Variants in SSBP1 observed in about 807,000 individuals in gnomAD.
SSBP1 encodes the protein single-stranded DNA-binding protein, mitochondrial.
In SSBP1, 20 loss-of-function variants were observed where a neutral mutation model predicts 27.0. The ratio of observed to expected loss-of-function variants is 0.74; its 90% CI spans 0.52 to 1.08. The LOEUF is 1.08. Among genes scored for constraint, SSBP1 ranks in the 50% least tolerant of loss-of-function variants. SSBP1 has a pLI of 0.00. For missense variants in SSBP1, 137 were observed against 182.4 expected (o/e 0.75, Z 1.44); for synonymous variants, 59 against 59.3 (o/e 1.00, Z 0.02).
intron 6 of SSBP1, among the ~76,000 whole-genome samples, chr7:141,746,931 C>G (rs1175870915): frequency 6.6e-6 from 1 of 152,014 alleles, no homozygotes; most frequent in Admixed American, 6.5e-5. Flanking sequence ...TGGAAATTTT[C>G]CATTATTCTT....
chr7:141,745,330 C>T (rs2117185152), intron 5 of SSBP1, among the ~76,000 whole-genome samples, 166 bp from the exon 6 acceptor site: 1 of 152,302 alleles, frequency 6.6e-6, no homozygotes, highest in Non-Finnish European at 1.5e-5. Context: ...TGTTTGGACA[C>T]TCTGTTTCAG....
At chr7:141,738,870 A>G (rs941929437) in intron 1 of SSBP1, 5 of 341,780 alleles carry the variant, frequency 1.5e-5, no homozygotes, top group African/African-American at 8.4e-5. Context: ...TGGAAGTGGG[A>G]TTAACTCAGA....
chr7:141,744,819 T>G (rs946919714), intron 5 of SSBP1, among the ~76,000 whole-genome samples: 4 of 152,094 alleles, frequency 2.6e-5, no homozygotes, highest in African/African-American at 9.7e-5. Flanking sequence ...GTGTGTGGGG[T>G]GGGGAGCACC....
At position 141,743,924 on chromosome 7, in the gene SSBP1, A is replaced by G. The variant is rs1326380559; in HGVS notation, c.249A>G (p.Thr83=). Residue 83 remains threonine, a synonymous_variant, in exon 5 of 7, where the codon ACA becomes ACG. Transcript: ENST00000265304. ...YQLGDVSQKT[T]WHRISVFRPG... ...TAGGTGATGTCAGTCAAAAGACAACATGGCACAGAATATCAGTATTCCGGC... is the reference window on the plus strand; with the variant it reads ...TAGGTGATGTCAGTCAAAAGACAACGTGGCACAGAATATCAGTATTCCGGC... 3 of 1,612,178 alleles carry G rather than the reference A, an allele frequency of 1.9e-6. No homozygotes were observed. The highest frequency in any genetic ancestry group is 1.1e-5 in the South Asian group (1 of 90,742).
chr7:141,745,452 A>C, intron 5 of SSBP1, 44 bp from the exon 6 acceptor site: 1 of 1,509,458 alleles, frequency 6.6e-7, no homozygotes, highest in Admixed American at 1.9e-5. Context: ...CTTATAAAGC[A>C]TATTAAGATC....
At position 141,739,024 on chromosome 7, in the gene SSBP1, T is replaced by C. The variant is rs1021136044; in HGVS notation, c.-43-100T>C. On this transcript the variant is annotated intron_variant, in intron 1 of 6. Coordinates refer to ENST00000265304, the MANE Select transcript of SSBP1 (RefSeq NM_003143.3). Reference sequence around the variant, plus strand: ...GTACGTTGTGGTCACAAAATTGGAGTGCATAAAAATTATGAATATAGTTAG... The same window carrying C: ...GTACGTTGTGGTCACAAAATTGGAGCGCATAAAAATTATGAATATAGTTAG... The C allele has an allele frequency of 1.6e-4, 95 of 588,020 alleles. 1 individual carries two copies. In the South Asian group the frequency reaches 2.3e-3, roughly 14 times the overall value. The allele number at this position is 588,020 out of a possible 1,614,324, so 36.4% of individuals were successfully genotyped here. A position where few individuals can be genotyped will look rare whatever the true frequency, so the allele number is the denominator to read the frequency against.
At chr7:141,742,779 GT>G (rs1563026327) in intron 3 of SSBP1, among the ~76,000 whole-genome samples, 1 of 152,160 alleles carries the variant, frequency 6.6e-6, no homozygotes, top group East Asian at 1.9e-4. Context: ...CAGAACTTGG[GT>G]TTTACTTAAT....
At chr7:141,749,100 A>G (rs892117220) in intron 6 of SSBP1, among the ~76,000 whole-genome samples, 18 of 152,260 alleles carry the variant, frequency 1.2e-4, no homozygotes, top group Non-Finnish European at 2.2e-4. Context: ...TGAAAAAAAG[A>G]AACCAATAAA....
intron 2 of SSBP1, chr7:141,741,717 G>A (rs1269886603): frequency 4.2e-6 from 4 of 961,372 alleles, no homozygotes; most frequent in Non-Finnish European, 5.0e-6. Flanking sequence ...TTGAATATAT[G>A]TAGTACTTTT....
At chr7:141,749,607 C>T (rs1799895279) in intron 6 of SSBP1, among the ~76,000 whole-genome samples, 1 of 152,110 alleles carries the variant, frequency 6.6e-6, no homozygotes, top group African/African-American at 2.4e-5. Flanking sequence ...CATGGTGAAA[C>T]CCTGTCTCTA....
At chr7:141,748,198 A>G (rs1350632933) in intron 6 of SSBP1, among the ~76,000 whole-genome samples, 1 of 152,044 alleles carries the variant, frequency 6.6e-6, no homozygotes, top group Non-Finnish European at 1.5e-5. Context: ...TTATTCATAA[A>G]TTTCCATAGG....
chr7:141,742,217 G>C lies in SSBP1; in HGVS notation c.73G>C (p.Val25Leu). 6.2e-7 allele frequency: 1 copy of C among 1,603,228 alleles called. No homozygotes were observed. Among genetic ancestry groups the C allele is most frequent in the Non-Finnish European group, 8.5e-7 (1 of 1,171,302 alleles). ...TGAGTCCGAAACAACTACCAGTTTG[G>C]TTCTTGAAAGATGTAAGTAGCTAAT... ...RHESETTTSL[V>L]LERSLNRVHL... is the part of the protein sequence containing the mutation. Residue 25 changes from valine (V) to leucine (L), a missense_variant, in exon 3 of 7, where the codon GTT becomes CTT. Coordinates refer to ENST00000265304, the MANE Select transcript of SSBP1 (RefSeq NM_003143.3).
chr7:141,743,449 C>T, intron 3 of SSBP1, 112 bp from the exon 4 acceptor site: 1 of 1,295,204 alleles, frequency 7.7e-7, no homozygotes, highest in Non-Finnish European at 1.1e-6. Context: ...ATCCCACTTC[C>T]AAATACCATT....
At chr7:141,745,446 T>C (rs757970550) in intron 5 of SSBP1, 50 bp from the exon 6 acceptor site, 7 of 1,487,510 alleles carry the variant, frequency 4.7e-6, no homozygotes, top group African/African-American at 2.8e-5. Flanking sequence ...CTGACTCTTA[T>C]AAAGCATATT....
chr7:141,747,383 A>AT (rs1320451586), intron 6 of SSBP1, among the ~76,000 whole-genome samples: 3,018 of 94,320 alleles, frequency 0.032, 67 homozygotes, highest in African/African-American at 0.059. Flanking sequence ...CCCAAATTAG[A>AT]TTTTTTTTTT....
intron 5 of SSBP1, among the ~76,000 whole-genome samples, chr7:141,744,840 C>G (rs1343746064): frequency 1.3e-5 from 2 of 152,110 alleles, no homozygotes; most frequent in African/African-American, 4.8e-5. Flanking sequence ...TGATGTTTCA[C>G]TAATCTTTCT....
At chr7:141,749,063 T>C (rs1799881014) in intron 6 of SSBP1, among the ~76,000 whole-genome samples, 1 of 152,118 alleles carries the variant, frequency 6.6e-6, no homozygotes, top group African/African-American at 2.4e-5. Flanking sequence ...CATCTGTGGA[T>C]TCAACCAAGC....
At chr7:141,744,988 A>C (rs1336597625) in intron 5 of SSBP1, among the ~76,000 whole-genome samples, 1 of 152,138 alleles carries the variant, frequency 6.6e-6, no homozygotes, top group African/African-American at 2.4e-5. Flanking sequence ...ATTACCTCTA[A>C]GTGGTATACT....
intron 5 of SSBP1, among the ~76,000 whole-genome samples, chr7:141,745,006 T>C (rs1173796794): frequency 6.6e-6 from 1 of 152,200 alleles, no homozygotes; most frequent in South Asian, 2.1e-4. Context: ...ACTAAGCTGA[T>C]ACAGTGTAGA....
Sources: gnomAD v4.1 joint callset for allele counts (sites outside exome capture counted in the v4.1 genomes callset) on GRCh38, gnomAD v4.1.1 for gene constraint, MANE v1.5 for transcripts, NCBI Gene and HGNC (gene_info 2026-07-23, HGNC 2026-07-21) for gene names.